Variants in LAMA3 observed in about 807,000 individuals in gnomAD.
The protein encoded by LAMA3 is laminin subunit alpha-3.
A neutral mutation model predicts 402.0 loss-of-function variants in LAMA3; 281 were observed. The observed-to-expected ratio is 0.70, with a 90% CI of 0.63 to 0.77. The LOEUF is 0.77. Among genes scored for constraint, LAMA3 ranks in the 30% least tolerant of loss-of-function variants. LAMA3 has a pLI of 0.00. For missense variants in LAMA3, 3,840 were observed against 4,215.5 expected, an observed-to-expected ratio of 0.91 and a Z score of 2.47; for synonymous variants, 1,431 against 1,558.4, an observed-to-expected ratio of 0.92 and a Z score of 1.93.
intron 35 of LAMA3, among the ~76,000 whole-genome samples, chr18:23,864,565 A>G (rs2064305742): frequency 6.6e-6 from 1 of 152,106 alleles, no homozygotes; most frequent in Admixed American, 6.6e-5. Flanking sequence ...CTTGCTTGTA[A>G]AACTCAATCA....
chr18:23,868,110 G>A (rs945425605), intron 37 of LAMA3, among the ~76,000 whole-genome samples, 193 bp downstream of exon 37: 3 of 152,024 alleles, frequency 2.0e-5, no homozygotes, highest in African/African-American at 7.2e-5. Flanking sequence ...AAACTATTTT[G>A]AGCACCAACA....
intron 67 of LAMA3, among the ~76,000 whole-genome samples, chr18:23,938,682 G>T (rs2082387045): frequency 6.6e-6 from 1 of 151,300 alleles, no homozygotes; most frequent in South Asian, 2.1e-4. Context: ...CCAAATGCTG[G>T]CCCCCTCAAG....
At chr18:23,704,696 T>G (rs1451803988) in intron 1 of LAMA3, among the ~76,000 whole-genome samples, 1 of 152,230 alleles carries the variant, frequency 6.6e-6, no homozygotes. Flanking sequence ...CCACAGTATC[T>G]AACATAGTGC....
intron 32 of LAMA3, among the ~76,000 whole-genome samples, chr18:23,853,473 A>G (rs2063992526): frequency 6.6e-6 from 1 of 152,038 alleles, no homozygotes; most frequent in Non-Finnish European, 1.5e-5. Flanking sequence ...GGGTTTCTCC[A>G]TGTTGGTCAG....
At chr18:23,864,065 CTGAT>C (rs2064290645) in intron 35 of LAMA3, among the ~76,000 whole-genome samples, 1 of 151,956 alleles carries the variant, frequency 6.6e-6, no homozygotes, top group East Asian at 1.9e-4. Context: ...TATTTTGTGA[CTGAT>C]AGATATTATC....
chr18:23,861,318 G>A (rs1232187849), intron 34 of LAMA3, among the ~76,000 whole-genome samples: 4 of 152,090 alleles, frequency 2.6e-5, no homozygotes, highest in East Asian at 1.9e-4. Context: ...CATTAAATGC[G>A]CCATGGTCCT....
chr18:23,881,875 A>G lies in LAMA3; in HGVS notation c.5113-61A>G, dbSNP rs1403234395. On this transcript the variant is annotated intron_variant, in intron 39 of 74. Coordinates refer to ENST00000313654, the MANE Select transcript of LAMA3 (RefSeq NM_198129.4). ...AGTCATGTGACTAAGTAAGATTACA[A>G]TAATCTCAGAAGTAGGGACTGTACT... 49 of 1,076,466 alleles carry G rather than the reference A, an allele frequency of 4.6e-5. 1 individual carries two copies. The highest frequency in any genetic ancestry group is 5.6e-5 in the Admixed American group (3 of 53,434). The allele number at this position is 1,076,466 out of a possible 1,614,324, so 66.7% of individuals were successfully genotyped here.
intron 62 of LAMA3, among the ~76,000 whole-genome samples, chr18:23,922,817 C>CT (rs2081886812): frequency 6.6e-6 from 1 of 152,282 alleles, no homozygotes; most frequent in Non-Finnish European, 1.5e-5. Context: ...AGAGTTGCCA[C>CT]TTATTCATTC....
Position 23,714,091 on chromosome 18 carries a change from T to A in LAMA3, c.447+19T>A, listed in dbSNP as rs2061048576. The A allele has an allele frequency of 6.2e-7, 1 of 1,608,878 alleles. No individual in the cohort carries two copies. The highest frequency in any genetic ancestry group is 1.7e-5 in the Admixed American group (1 of 59,972). On this transcript the variant is annotated intron_variant, in intron 2 of 74. Coordinates refer to ENST00000313654, the MANE Select transcript of LAMA3 (RefSeq NM_198129.4). ...GGGGCAGGTGAGCTACACTTTTAAC[T>A]GGAATGGGAACATGAGCTTAGATCA...
chr18:23,881,866 A>T, intron 39 of LAMA3, 70 bp from the exon 40 acceptor site: 7 of 982,374 alleles, frequency 7.1e-6, no homozygotes, highest in Non-Finnish European at 9.6e-6. Flanking sequence ...GTGACTAAGT[A>T]AGATTACAAT....
chr18:23,824,378 G>C (rs774708152), intron 20 of LAMA3, 45 bp from the exon 21 acceptor site: 2 of 1,605,320 alleles, frequency 1.2e-6, no homozygotes, highest in Admixed American at 3.3e-5. Flanking sequence ...TCATAACACT[G>C]ACTGATAGAA....
In LAMA3 at chr18:23,820,747, G is replaced by A. The variant is rs544406302; in HGVS notation, c.2304+750G>A. Among the ~76,000 whole-genome samples the A allele has an allele frequency of 2.0e-5, 3 of 152,278 alleles. No homozygotes were observed. The East Asian group carries it at 5.8e-4, about 29-fold the overall frequency. On this transcript the variant is annotated intron_variant, in intron 19 of 74. Coordinates refer to ENST00000313654, the MANE Select transcript of LAMA3 (RefSeq NM_198129.4). Reference sequence around the variant, plus strand: ...CTCAGTGGAGAAATTCAGAATATGAGAGGTAAATTAACGATCATGGTAACA... The same window carrying A: ...CTCAGTGGAGAAATTCAGAATATGAAAGGTAAATTAACGATCATGGTAACA...
rs1369954676 is a variant in LAMA3, at chr18:23,914,723, T to A, written c.7507T>A (p.Tyr2503Asn). The A allele has an allele frequency of 6.2e-7, 1 of 1,613,768 alleles. No homozygotes were observed. Among genetic ancestry groups the A allele is most frequent in the Non-Finnish European group, 8.5e-7 (1 of 1,179,748 alleles). The change falls in exon 58 of 75, where the codon TAC (tyrosine) becomes AAC (asparagine). Residue 2503 changes from tyrosine to asparagine, a missense_variant. Tyr to Asn is a moderately radical substitution (Grantham distance 143). Transcript: ENST00000313654. ...QRIYQFARLN[Y>N]TKGATSSKPE... ...AATTTATCAGTTTGCAAGGCTTAATTACACCAAAGGAGCCACATCCAGTAA... is the reference window on the plus strand; with the variant it reads ...AATTTATCAGTTTGCAAGGCTTAATAACACCAAAGGAGCCACATCCAGTAA...
intron 27 of LAMA3, among the ~76,000 whole-genome samples, chr18:23,841,143 G>C (rs1287720843): frequency 2.0e-5 from 3 of 152,166 alleles, no homozygotes; most frequent in Non-Finnish European, 4.4e-5. Flanking sequence ...ATAATAGGGG[G>C]AAATGAGTTG....
chr18:23,834,176 A>G, intron 24 of LAMA3, 188 bp downstream of exon 24: 1 of 652,610 alleles, frequency 1.5e-6, no homozygotes, highest in Non-Finnish European at 2.7e-6. Flanking sequence ...CTCTATGGGC[A>G]GTGTAAAAAT....
chr18:23,943,758 A>G (rs1297541260), intron 68 of LAMA3, 30 bp from the exon 69 acceptor site: 2 of 1,609,582 alleles, frequency 1.2e-6, no homozygotes, highest in Non-Finnish European at 8.5e-7. Context: ...GAACACCTCT[A>G]TTTCCCTTCA....
rs111458614 is a variant in LAMA3 at position 23,914,431 on chromosome 18, A to C, written c.7351A>C (p.Met2451Leu). Residue 2451 changes from methionine to leucine, a missense_variant, in exon 57 of 75, where the codon ATG becomes CTG. Around this residue, in one of 3 missense-constraint regions of LAMA3, gnomAD observed 891 missense variants for 857.5 expected, o/e 1.04. Coordinates refer to ENST00000313654, the MANE Select transcript of LAMA3 (RefSeq NM_198129.4). ...CCAGGCCTCCCGGGACTACATCGGC[A>C]TGGCAGTTGTGGATGGCCAGCTCAC... Reference protein sequence around the residue: ...NKDASRDYIGMAVVDGQLTCV... With the variant: ...NKDASRDYIGLAVVDGQLTCV... 6.8e-6 allele frequency: 11 copies of C among 1,614,184 alleles called. No homozygotes were observed. The highest frequency in any genetic ancestry group is 1.3e-5 in the African/African-American group (1 of 75,052).
At chr18:23,859,310 T>A (rs1432197082) in intron 34 of LAMA3, among the ~76,000 whole-genome samples, 2 of 152,204 alleles carry the variant, frequency 1.3e-5, no homozygotes, top group Non-Finnish European at 2.9e-5. Flanking sequence ...AATTCTCTGA[T>A]TCTCCCAGAC....
At chr18:23,903,838 C>A in intron 49 of LAMA3, 95 bp from the exon 50 acceptor site, 1 of 1,020,160 alleles carries the variant, frequency 9.8e-7, no homozygotes, top group Non-Finnish European at 1.5e-6. Context: ...CTCATTGTTG[C>A]CCCAGAAACA....
Sources: gnomAD v4.1 joint callset for allele counts (sites outside exome capture counted in the v4.1 genomes callset) on GRCh38, gnomAD v4.1.1 for gene constraint, gnomAD v4.1.1 regional missense constraint, MANE v1.5 for transcripts, NCBI Gene and HGNC (gene_info 2026-07-23, HGNC 2026-07-21) for gene names.